The following CARD6 variants were observed in gnomAD, a reference collection of about 807,000 sequenced individuals.
The protein encoded by CARD6 is caspase recruitment domain family member 6.
A neutral mutation model predicts 23.6 loss-of-function variants in CARD6; 27 were observed. That is an observed-to-expected ratio of 1.14 (90% CI 0.84 to 1.58). The LOEUF (loss-of-function observed/expected upper bound fraction) is 1.58. Among genes scored for constraint, CARD6 ranks in the 40% most tolerant of loss-of-function variants. The probability of loss-of-function intolerance (pLI) is 0.00; values close to 1 mark genes in which losing one functional copy is unlikely to be tolerated. For missense variants in CARD6, 1,214 were observed against 1,209.9 expected, an observed-to-expected ratio of 1.00 and a Z score of -0.05; for synonymous variants, 397 against 431.8, an observed-to-expected ratio of 0.92 and a Z score of 1.00.
chr5:40,849,162 A>C (rs1206849028), intron 2 of CARD6, among the ~76,000 whole-genome samples: 1 of 151,880 alleles, frequency 6.6e-6, no homozygotes. Context: ...ACACCTGGCT[A>C]ATTTTTGTAT....
chr5:40,853,007 T>G lies in CARD6; in HGVS notation c.1675T>G (p.Cys559Gly). The G allele has an allele frequency of 6.2e-7, 1 of 1,614,178 alleles. No homozygotes were observed. Among genetic ancestry groups the G allele is most frequent in the South Asian group, 1.1e-5 (1 of 91,078 alleles). The change falls in exon 3 of 3, where the codon TGT (cysteine) becomes GGT (glycine). Residue 559 changes from cysteine to glycine, a missense_variant. Physicochemically the swap from Cys to Gly is radical, Grantham distance 159. Transcript: ENST00000254691. ...VSSAVFFFTD[C>G]LGEKEWDLLM... ...TTCAGCTGTGTTTTTTTTCACTGAC[T>G]GTTTAGGTGAGAAGGAATGGGACTT...
chr5:40,842,032 A>G (rs899843187), intron 1 of CARD6, among the ~76,000 whole-genome samples: 4 of 152,244 alleles, frequency 2.6e-5, no homozygotes, highest in Admixed American at 2.0e-4. Flanking sequence ...GTGGATATTT[A>G]CAGTGCCAAG....
chr5:40,841,814 T>A lies in CARD6; in HGVS notation c.283+149T>A, dbSNP rs1165097475. 7 of 705,110 alleles carry A rather than the reference T, an allele frequency of 9.9e-6. No homozygotes were observed. In the South Asian group the frequency reaches 1.5e-4, roughly 15 times the overall value. The allele number at this position is 705,110 out of a possible 1,614,324, so 43.7% of individuals were successfully genotyped here. On this transcript the variant is annotated intron_variant, in intron 1 of 2. Coordinates refer to ENST00000254691, the MANE Select transcript of CARD6 (RefSeq NM_032587.4). The stretch of plus-strand genomic sequence containing the variant: ...ATTGAAATATGAAATAGGGAAAAAC[T>A]GGAATTTAAAAAGTTTCTGAAATTT...
rs765490996 is a variant in CARD6, at chr5:40,853,844, A to G, written c.2512A>G (p.Thr838Ala). ...ACPERPQMMG[T>A]LERSRAVASK... ...CCCTGAGAGACCACAAATGATGGGA[A>G]CTCTTGAAAGGTCTAGGGCAGTAGC... Residue 838 changes from threonine (T) to alanine (A), a missense_variant, in exon 3 of 3, where the codon ACT becomes GCT. Coordinates refer to ENST00000254691, the MANE Select transcript of CARD6 (RefSeq NM_032587.4). 3 of 1,614,056 alleles carry G rather than the reference A, an allele frequency of 1.9e-6. No individual in the cohort carries two copies. The highest frequency in any genetic ancestry group is 2.5e-6 in the Non-Finnish European group (3 of 1,180,000).
Position 40,854,160 on chromosome 5 carries a change from A to G in CARD6, c.2828A>G (p.Lys943Arg), listed in dbSNP as rs1375169446. ...CCCATGTGCAAGAGCTCTCAGTTCA[A>G]ATCCGATCAGTCCAACCCATCCACA... ...SHPMCKSSQF[K>R]SDQSNPSTVK... The change falls in exon 3 of 3, where the codon AAA (lysine) becomes AGA (arginine). Residue 943 changes from lysine to arginine, a missense_variant. Coordinates refer to ENST00000254691, the MANE Select transcript of CARD6 (RefSeq NM_032587.4). 1 of 1,614,176 alleles carries G rather than the reference A, an allele frequency of 6.2e-7. No homozygotes were observed. The highest frequency in any genetic ancestry group is 1.7e-5 in the Admixed American group (1 of 60,016).
chr5:40,852,275 T>C lies in CARD6; in HGVS notation c.943T>C (p.Cys315Arg), dbSNP rs139145302. ...FVKQFSLDRG[C>R]KWTPESPGDL... ...TAAACAATTCTCCTTAGATCGAGGA[T>C]GTAAGTGGACCCCTGAGAGTCCAGG... Residue 315 changes from cysteine (C) to arginine (R), a missense_variant, in exon 3 of 3, where the codon TGT becomes CGT. Physicochemically the swap from Cys to Arg is radical, Grantham distance 180. Coordinates refer to ENST00000254691, the MANE Select transcript of CARD6 (RefSeq NM_032587.4). 25 of 1,614,132 alleles carry C rather than the reference T, an allele frequency of 1.5e-5. No homozygotes were observed. The East Asian group carries it at 2.5e-4, about 16-fold the overall frequency.
chr5:40,854,692 G>A lies in CARD6; in HGVS notation c.*246G>A, dbSNP rs1388442052. 2.3e-6 allele frequency: 1 copy of A among 427,438 alleles called. No individual in the cohort carries two copies. The highest frequency in any genetic ancestry group is 4.2e-6 in the Non-Finnish European group (1 of 235,664). 26.5% of individuals were successfully genotyped at this position (427,438 alleles called of 1,614,324 possible). A position where few individuals can be genotyped will look rare whatever the true frequency, so the allele number is the denominator to read the frequency against. On this transcript the variant is annotated 3_prime_UTR_variant, in exon 3 of 3. Transcript: ENST00000254691. ...CGCAACCTCTGCTTCCTGGCTTAAAGTGATTCTCCTGCCTCAGCCTCTCGA... is the reference window on the plus strand; with the variant it reads ...CGCAACCTCTGCTTCCTGGCTTAAAATGATTCTCCTGCCTCAGCCTCTCGA...
chr5:40,843,188 C>A lies in CARD6; in HGVS notation c.320C>A (p.Ser107Tyr). 1 of 1,610,550 alleles carries A rather than the reference C, an allele frequency of 6.2e-7. No individual in the cohort carries two copies. The highest frequency in any genetic ancestry group is 8.5e-7 in the Non-Finnish European group (1 of 1,179,126). The change falls in exon 2 of 3, where the codon TCT becomes TAT. Residue 107 changes from serine to tyrosine, a missense_variant. Physicochemically the swap from Ser to Tyr is moderately radical, Grantham distance 144. Coordinates refer to ENST00000254691, the MANE Select transcript of CARD6 (RefSeq NM_032587.4). ...CATGAGAATACAGTACCTCCTCAAT[C>A]TATGGGGGCAAGCAGTAATTCAGAA... ...LKHENTVPPQ[S>Y]MGASSNSEDA...
rs1579808113 is a variant in CARD6, at chr5:40,854,175, A to C, written c.2843A>C (p.Asn948Thr). 1 of 1,614,134 alleles carries C rather than the reference A, an allele frequency of 6.2e-7. No individual in the cohort carries two copies. Among genetic ancestry groups the C allele is most frequent in the Non-Finnish European group, 8.5e-7 (1 of 1,180,022 alleles). Reference sequence around the variant, plus strand: ...TCTCAGTTCAAATCCGATCAGTCCAACCCATCCACAGTCAAACACTCCCAG... The same window carrying C: ...TCTCAGTTCAAATCCGATCAGTCCACCCCATCCACAGTCAAACACTCCCAG... ...KSSQFKSDQS[N>T]PSTVKHSQPK... The change falls in exon 3 of 3, where the codon AAC becomes ACC. Residue 948 changes from asparagine (N) to threonine (T), a missense_variant. Physicochemically the swap from Asn to Thr is moderately conservative, Grantham distance 65. Coordinates refer to ENST00000254691, the MANE Select transcript of CARD6 (RefSeq NM_032587.4).
chr5:40,850,649 G>A (rs1425405111), intron 2 of CARD6, among the ~76,000 whole-genome samples: 1 of 141,836 alleles, frequency 7.1e-6, no homozygotes, highest in Admixed American at 7.3e-5. Context: ...TTGAACCCGA[G>A]AGGCGGAAGT....
At position 40,852,559 on chromosome 5, in the gene CARD6, G is replaced by T. The variant is rs745318819; in HGVS notation, c.1227G>T (p.Leu409=). 1.2e-6 allele frequency: 2 copies of T among 1,614,154 alleles called. No individual in the cohort carries two copies. Among genetic ancestry groups the T allele is most frequent in the Non-Finnish European group, 1.7e-6 (2 of 1,180,030 alleles). Residue 409 remains leucine (L), a synonymous_variant, in exon 3 of 3, where the codon CTG becomes CTT. Transcript: ENST00000254691. ...YQCQFALPLL[L]PDAENNKSIL... ...GCCAGTTTGCTCTTCCCCTGCTACT[G>T]CCAGATGCAGAAAACAACAAAAGCA... is the stretch of plus-strand genomic sequence containing the variant.
Position 40,851,528 on chromosome 5 carries a change from A to C in CARD6, c.842-646A>C, listed in dbSNP as rs568292321. On this transcript the variant is annotated intron_variant, in intron 2 of 2. Coordinates refer to ENST00000254691, the MANE Select transcript of CARD6 (RefSeq NM_032587.4). ...ATATTGTTTCAGCTTTTTGCAGTGAAAATGTAGATTAGACCGGGTGTAGGG... is the reference window on the plus strand; with the variant it reads ...ATATTGTTTCAGCTTTTTGCAGTGACAATGTAGATTAGACCGGGTGTAGGG... Among the ~76,000 whole-genome samples the C allele has an allele frequency of 2.0e-5, 3 of 151,808 alleles. No homozygotes were observed. The South Asian group carries it at 6.2e-4, about 32-fold the overall frequency.
chr5:40,845,342 T>C (rs544206722), intron 2 of CARD6, among the ~76,000 whole-genome samples: 23 of 152,302 alleles, frequency 1.5e-4, no homozygotes, highest in African/African-American at 5.5e-4. Context: ...AGGACACCAG[T>C]CATATTGGAT....
rs1380338414 is a variant in CARD6, at chr5:40,854,210, T to G, written c.2878T>G (p.Phe960Val). ...STVKHSQPKP[F>V]HSVPSQPKSS... ...AGTCAAACACTCCCAGCCTAAACCC[T>G]TCCATTCTGTGCCCTCTCAACCTAA... Residue 960 changes from phenylalanine (F) to valine (V), a missense_variant, in exon 3 of 3, where the codon TTC (phenylalanine) becomes GTC (valine). Phe to Val is a conservative substitution (Grantham distance 50, BLOSUM62 -1). Coordinates refer to ENST00000254691, the MANE Select transcript of CARD6 (RefSeq NM_032587.4). 1.9e-6 allele frequency: 3 copies of G among 1,614,124 alleles called. No homozygotes were observed. Among genetic ancestry groups the G allele is most frequent in the Non-Finnish European group, 2.5e-6 (3 of 1,180,016 alleles).
chr5:40,854,396 G>A lies in CARD6; in HGVS notation c.3064G>A (p.Ala1022Thr). 6.2e-7 allele frequency: 1 copy of A among 1,614,092 alleles called. No individual in the cohort carries two copies. The highest frequency in any genetic ancestry group is 1.6e-4 in the Middle Eastern group (1 of 6,062). ...PKSSSTNPSQ[A>T]KAHHSKAGQK... ...GTCATCCTCAACCAATCCTTCACAA[G>A]CTAAGGCACACCACTCAAAAGCAGG... is the stretch of plus-strand genomic sequence containing the variant. The change falls in exon 3 of 3, where the codon GCT becomes ACT. Residue 1022 changes from alanine to threonine, a missense_variant. By Grantham distance (58) the Ala-to-Thr change is moderately conservative. Transcript: ENST00000254691.
At chr5:40,844,563 TATGAG>T (rs1390880270) in intron 2 of CARD6, among the ~76,000 whole-genome samples, 1 of 152,150 alleles carries the variant, frequency 6.6e-6, no homozygotes, top group Non-Finnish European at 1.5e-5. Context: ...AAATTCAAAA[TATGAG>T]AAGTGTTTCA....
chr5:40,849,055 C>A (rs1746013669), intron 2 of CARD6, among the ~76,000 whole-genome samples: 1 of 151,942 alleles, frequency 6.6e-6, no homozygotes, highest in South Asian at 2.1e-4. Flanking sequence ...GGGCCACAAT[C>A]TTGGCTCACT....
At chr5:40,847,699 T>C (rs1409653199) in intron 2 of CARD6, among the ~76,000 whole-genome samples, 3 of 152,158 alleles carry the variant, frequency 2.0e-5, no homozygotes, top group Non-Finnish European at 4.4e-5. Flanking sequence ...TCTTCAGTCA[T>C]TTTATCATTG....
At chr5:40,850,412 T>C (rs1447330599) in intron 2 of CARD6, among the ~76,000 whole-genome samples, 3 of 2,932 alleles carry the variant, frequency 1.0e-3, no homozygotes, top group Non-Finnish European at 1.8e-3. Flanking sequence ...ACACTCCATC[T>C]CAAAAAAAAA....
Sources: gnomAD v4.1 joint callset for allele counts (sites outside exome capture counted in the v4.1 genomes callset) on GRCh38, gnomAD v4.1.1 for gene constraint, MANE v1.5 for transcripts, NCBI Gene and HGNC (gene_info 2026-07-23, HGNC 2026-07-21) for gene names.